Variants in GABRA3 observed in about 807,000 individuals in gnomAD.
GABRA3 encodes gamma-aminobutyric acid type A receptor subunit alpha3.
A neutral mutation model predicts 30.1 loss-of-function variants in GABRA3; 10 were observed. The observed-to-expected ratio is 0.33, with a 90% CI of 0.20 to 0.56. The LOEUF is 0.56. GABRA3 is among the 20% of genes least tolerant of loss of function. The pLI is 0.89. For missense variants in GABRA3, 233 were observed against 392.0 expected (o/e 0.59, Z 3.42); for synonymous variants, 151 against 146.8 (o/e 1.03, Z -0.21).
chrX:152,439,321 C>T lies in GABRA3; in HGVS notation c.-27+11825G>A, dbSNP rs12689626. Among the ~76,000 whole-genome samples the T allele has an allele frequency of 0.015, 1,701 of 109,933 alleles. 143 individuals are homozygous for T. The East Asian group carries it at 0.31, about 20-fold the overall frequency. On this transcript the variant is annotated intron_variant, in intron 1 of 9. Transcript: ENST00000370314. ...CTAATTTTTGTATTTTTAGTAGAGACGGGGTTTCACCATGTTGGCCAGGCT... is the reference window on the plus strand; with the variant it reads ...CTAATTTTTGTATTTTTAGTAGAGATGGGGTTTCACCATGTTGGCCAGGCT...
At chrX:152,334,595 G>A (rs192709830) in intron 3 of GABRA3, among the ~76,000 whole-genome samples, 231 of 110,939 alleles carry the variant, frequency 2.1e-3, no homozygotes, top group African/African-American at 6.5e-3. Context: ...GTCTGGCTAC[G>A]TTGCCCAGCC....
intron 6 of GABRA3, among the ~76,000 whole-genome samples, chrX:152,217,027 T>G (rs1036693901): frequency 2.7e-5 from 3 of 111,349 alleles, no homozygotes; most frequent in African/African-American, 9.7e-5. Flanking sequence ...CTGGTATATA[T>G]AAAAGCAAAT....
chrX:152,400,674 C>CT (rs1480675516), intron 1 of GABRA3, among the ~76,000 whole-genome samples: 1 of 111,387 alleles, frequency 9.0e-6, no homozygotes, highest in Non-Finnish European at 1.9e-5. Flanking sequence ...AATCAACTGA[C>CT]TTTAAAATAG....
At chrX:152,381,540 G>A (rs1929143853) in intron 1 of GABRA3, among the ~76,000 whole-genome samples, 1 of 111,368 alleles carries the variant, frequency 9.0e-6, no homozygotes, top group African/African-American at 3.3e-5. Flanking sequence ...CATTTATTTA[G>A]TCATATTGAT....
intron 4 of GABRA3, among the ~76,000 whole-genome samples, chrX:152,279,416 G>A (rs1471488173): frequency 9.0e-6 from 1 of 111,464 alleles, no homozygotes; most frequent in Non-Finnish European, 1.9e-5. Context: ...AGATCAGATA[G>A]TTGTAGATAT....
rs755940525 is a variant in GABRA3 at position 152,255,649 on chromosome X, G to A, written c.551+129C>T. Reference sequence around the variant, plus strand: ...TGTATGCATGCAATTGTATTAGGAAGTATATACATACCTGTACATTTCTAA... The same window carrying A: ...TGTATGCATGCAATTGTATTAGGAAATATATACATACCTGTACATTTCTAA... On this transcript the variant is annotated intron_variant, in intron 5 of 9. Coordinates refer to ENST00000370314, the MANE Select transcript of GABRA3 (RefSeq NM_000808.4). 2.0e-4 allele frequency: 107 copies of A among 522,844 alleles called. No homozygotes were observed. In the African/African-American group the frequency reaches 2.3e-3, roughly 11 times the overall value. 43.1% of individuals were successfully genotyped at this position (522,844 alleles called of 1,213,427 possible).
At chrX:152,335,329 T>C (rs1940218221) in intron 3 of GABRA3, among the ~76,000 whole-genome samples, 1 of 111,592 alleles carries the variant, frequency 9.0e-6, no homozygotes, top group Non-Finnish European at 1.9e-5. Flanking sequence ...AAGCAGACCA[T>C]AGAAGAGAGA....
chrX:152,283,062 C>T (rs2124438121), intron 4 of GABRA3, among the ~76,000 whole-genome samples: 1 of 111,567 alleles, frequency 9.0e-6, no homozygotes, highest in Non-Finnish European at 1.9e-5. Flanking sequence ...GAATATAGGG[C>T]TTCCTAGAGC....
In GABRA3 at chrX:152,298,466, C is replaced by T. The variant is rs548260163; in HGVS notation, c.263-13731G>A. On this transcript the variant is annotated intron_variant, in intron 3 of 9. Coordinates refer to ENST00000370314, the MANE Select transcript of GABRA3 (RefSeq NM_000808.4). ...TTCAATTCCCACCTATGAGTGAGAA[C>T]ATGCGGTGTTTGGTTTTTTGTCCTT... Among the ~76,000 whole-genome samples the T allele has an allele frequency of 4.7e-5, 5 of 105,824 alleles. No homozygotes were observed. In the South Asian group the frequency reaches 1.3e-3, roughly 29 times the overall value. The allele number at this position is 105,824 out of a possible 115,157, so 91.9% of individuals were successfully genotyped here.
intron 9 of GABRA3, chrX:152,186,979 G>C (rs1403527498): frequency 9.0e-6 from 1 of 111,333 alleles, no homozygotes; most frequent in Non-Finnish European, 1.9e-5. Flanking sequence ...TGGTCCACTA[G>C]TCCAATAAAC....
chrX:152,358,271 C>G (rs2063336563), intron 2 of GABRA3, among the ~76,000 whole-genome samples: 1 of 110,726 alleles, frequency 9.0e-6, no homozygotes, highest in African/African-American at 3.3e-5. Flanking sequence ...CTTTCACCAC[C>G]CTGGTTAGCT....
intron 3 of GABRA3, among the ~76,000 whole-genome samples, chrX:152,334,105 A>G (rs185412369): frequency 1.3e-3 from 144 of 112,140 alleles, no homozygotes; most frequent in African/African-American, 4.5e-3. Flanking sequence ...TCAACACACT[A>G]AAAAGAAAAA....
intron 3 of GABRA3, among the ~76,000 whole-genome samples, chrX:152,295,182 A>G (rs1170384589): frequency 8.9e-6 from 1 of 112,087 alleles, no homozygotes. Context: ...CAGTCTGTCC[A>G]TTCTCCGAGC....
At chrX:152,342,419 T>A (rs1355539772) in intron 3 of GABRA3, among the ~76,000 whole-genome samples, 1 of 112,244 alleles carries the variant, frequency 8.9e-6, no homozygotes, top group African/African-American at 3.2e-5. Context: ...TACATTAGAC[T>A]ACATGAAGCT....
chrX:152,410,497 T>A (rs2044106244), intron 1 of GABRA3, among the ~76,000 whole-genome samples: 1 of 111,614 alleles, frequency 9.0e-6, no homozygotes, highest in Non-Finnish European at 1.9e-5. Context: ...TATGTATAAC[T>A]ATCATGTATC....
chrX:152,239,046 TG>T (rs1464860115), intron 5 of GABRA3, among the ~76,000 whole-genome samples: 2 of 107,564 alleles, frequency 1.9e-5, no homozygotes, highest in Admixed American at 2.0e-4. Flanking sequence ...CTGTTGAATG[TG>T]TTTGCTCTTG....
intron 3 of GABRA3, among the ~76,000 whole-genome samples, chrX:152,343,879 CT>C (rs1307218426): frequency 2.1e-4 from 24 of 111,962 alleles, no homozygotes; most frequent in African/African-American, 7.4e-4. Flanking sequence ...ATTAAAAGTA[CT>C]TGTTGGACTG....
At chrX:152,293,503 C>A (rs1939463108) in intron 3 of GABRA3, among the ~76,000 whole-genome samples, 1 of 111,183 alleles carries the variant, frequency 9.0e-6, no homozygotes, top group Admixed American at 9.6e-5. Context: ...GGTCTTGACT[C>A]TCTATCCAAT....
At chrX:152,233,261 C>T (rs780932303) in intron 5 of GABRA3, among the ~76,000 whole-genome samples, 4 of 110,441 alleles carry the variant, frequency 3.6e-5, no homozygotes, top group South Asian at 7.7e-4. Flanking sequence ...TGTGGGATGC[C>T]TGTTCACTCT....
Sources: allele counts gnomAD v4.1 joint callset (sites outside exome capture counted in the v4.1 genomes callset), GRCh38; gene constraint gnomAD v4.1.1; transcripts MANE v1.5; gene names NCBI Gene and HGNC (gene_info 2026-07-23, HGNC 2026-07-21).